PLXNA4: variants seen among roughly 807,000 people sequenced by gnomAD.
PLXNA4 encodes the protein plexin A4, also known as plexin-A4.
Under a neutral mutation model 191.8 loss-of-function variants are expected in PLXNA4, and 44 were observed. The ratio of observed to expected loss-of-function variants is 0.23; its 90% CI spans 0.18 to 0.29. The LOEUF is 0.29. PLXNA4 is among the 10% of genes least tolerant of loss of function. The pLI is 1.00. For synonymous variants in PLXNA4, 1,082 were observed against 1,009.5 expected (o/e 1.07, Z -1.36); for missense variants, 1,800 against 2,488.8 (o/e 0.72, Z 5.89).
intron 20 of PLXNA4, among the ~76,000 whole-genome samples, chr7:132,178,739 T>A (rs1256672273): frequency 3.1e-5 from 2 of 63,646 alleles, no homozygotes; most frequent in African/African-American, 1.0e-4. Context: ...CACTTGTAAA[T>A]GAAACACATA....
intron 9 of PLXNA4, 126 bp from the exon 10 acceptor site, chr7:132,211,269 A>T: frequency 2.0e-6 from 2 of 991,744 alleles, no homozygotes; most frequent in Non-Finnish European, 2.9e-6. Flanking sequence ...GCGACCCCTG[A>T]GGTGCTCGTG....
chr7:132,457,709 A>G (rs1035577644), intron 3 of PLXNA4, among the ~76,000 whole-genome samples: 1 of 152,238 alleles, frequency 6.6e-6, no homozygotes, highest in African/African-American at 2.4e-5. Context: ...ATGCAATTGC[A>G]AGTATTCTTT....
intron 4 of PLXNA4, among the ~76,000 whole-genome samples, chr7:132,243,768 T>C (rs1194411133): frequency 6.6e-6 from 1 of 150,930 alleles, no homozygotes; most frequent in Non-Finnish European, 1.5e-5. Flanking sequence ...GATGGATCGC[T>C]GCTATCCTTT....
chr7:132,220,361 G>T (rs1025995877), intron 9 of PLXNA4, among the ~76,000 whole-genome samples: 1 of 152,196 alleles, frequency 6.6e-6, no homozygotes, highest in Non-Finnish European at 1.5e-5. Flanking sequence ...TGGGTAGAAT[G>T]CAGCCTCCAA....
intron 8 of PLXNA4, among the ~76,000 whole-genome samples, chr7:132,224,091 C>T (rs542719385): frequency 2.6e-5 from 4 of 152,188 alleles, no homozygotes; most frequent in Non-Finnish European, 5.9e-5. Flanking sequence ...TGTCTCACTA[C>T]GATGGCTCCT....
intron 4 of PLXNA4, among the ~76,000 whole-genome samples, chr7:132,258,877 G>A (rs1220767968): frequency 6.6e-6 from 1 of 152,164 alleles, no homozygotes; most frequent in Non-Finnish European, 1.5e-5. Flanking sequence ...TTTATGCTAT[G>A]TGTTTGCCAG....
rs374017007 is a variant in PLXNA4, at chr7:132,421,086, T to A, written c.1371+68206A>T. ...CTAAAACTCTGTCCCTGCTAAACTC[T>A]ATGATCCTATTCCCCTGTCCCCCAG... On this transcript the variant is annotated intron_variant, in intron 3 of 31. Transcript: ENST00000321063. Among the ~76,000 whole-genome samples the A allele has an allele frequency of 1.2e-4, 18 of 152,368 alleles. No homozygotes were observed. The East Asian group carries it at 3.5e-3, about 29-fold the overall frequency.
In PLXNA4 at chr7:132,351,205, G is replaced by T. The variant is rs568553633; in HGVS notation, c.1372-52983C>A. On this transcript the variant is annotated intron_variant, in intron 3 of 31. Coordinates refer to ENST00000321063, the MANE Select transcript of PLXNA4 (RefSeq NM_020911.2). ...GCAGCAATAAGAATGTTCTAAAATT[G>T]ATTGTGGTGATGGTTGTGCAACTCT... Among the ~76,000 whole-genome samples, 21 of 152,296 alleles carry T rather than the reference G, an allele frequency of 1.4e-4. No individual in the cohort carries two copies. The South Asian group carries it at 4.3e-3, about 32-fold the overall frequency.
chr7:132,508,796 C>T lies in PLXNA4; in HGVS notation c.-86-17G>A. ...TCTCCCCTACTGGAGAAAGGGAAGA[C>T]AATGAGCTGGATAACAATGCCAGTG... On this transcript the variant is annotated splice_polypyrimidine_tract_variant and intron_variant, in intron 1 of 31. Coordinates refer to ENST00000321063, the MANE Select transcript of PLXNA4 (RefSeq NM_020911.2). This position sits in a 1 kb window ranked among gnomAD's most constrained non-coding sequence, Gnocchi z 4.4. 7.0e-7 allele frequency: 1 copy of T among 1,435,768 alleles called. No homozygotes were observed. The highest frequency in any genetic ancestry group is 9.1e-7 in the Non-Finnish European group (1 of 1,099,556). 88.9% of individuals were successfully genotyped at this position (1,435,768 alleles called of 1,614,324 possible).
chr7:132,273,594 AG>A (rs1584931667), intron 4 of PLXNA4, among the ~76,000 whole-genome samples: 1 of 152,294 alleles, frequency 6.6e-6, no homozygotes, highest in East Asian at 1.9e-4. Context: ...AGAGGCAAAG[AG>A]GAGAGGGGAG....
chr7:132,245,973 T>G (rs143578637), intron 4 of PLXNA4, among the ~76,000 whole-genome samples: 4 of 152,318 alleles, frequency 2.6e-5, no homozygotes, highest in African/African-American at 9.6e-5. Context: ...GCAAAGACTT[T>G]CTGTTTGAGC....
At chr7:132,176,336 T>A (rs1796455142) in intron 20 of PLXNA4, among the ~76,000 whole-genome samples, 1 of 152,336 alleles carries the variant, frequency 6.6e-6, no homozygotes, top group South Asian at 2.1e-4. Flanking sequence ...TGCATCCAAG[T>A]GGAGCCTGCA....
chr7:132,430,061 G>A (rs1225341497), intron 3 of PLXNA4, among the ~76,000 whole-genome samples: 1 of 152,140 alleles, frequency 6.6e-6, no homozygotes, highest in Non-Finnish European at 1.5e-5. Context: ...TGTGGCATAT[G>A]AGGTAATAAG....
chr7:132,583,297 C>G (rs2116815469), intron 2 of PLXNA4, among the ~76,000 whole-genome samples: 1 of 152,312 alleles, frequency 6.6e-6, no homozygotes, highest in East Asian at 1.9e-4. Flanking sequence ...CTGATCCTAA[C>G]CCGTGCTACA....
intron 4 of PLXNA4, among the ~76,000 whole-genome samples, chr7:132,277,047 G>A (rs1800307813): frequency 6.6e-6 from 1 of 152,174 alleles, no homozygotes; most frequent in African/African-American, 2.4e-5. Context: ...GCAAGATGGT[G>A]GGATTGAGAA....
chr7:132,459,105 G>A (rs749190387), intron 3 of PLXNA4, among the ~76,000 whole-genome samples: 5 of 152,194 alleles, frequency 3.3e-5, no homozygotes, highest in South Asian at 2.1e-4. Context: ...TACAGAGCAC[G>A]ACCGAACCAG....
rs191354201 is a variant in PLXNA4 at position 132,442,324 on chromosome 7, C to T, written c.1371+46968G>A. Among the ~76,000 whole-genome samples the T allele has an allele frequency of 2.2e-3, 339 of 152,192 alleles. 2 individuals carry two copies. The highest frequency in any genetic ancestry group is 3.8e-3 in the Non-Finnish European group (258 of 67,996). On this transcript the variant is annotated intron_variant, in intron 3 of 31. Transcript: ENST00000321063. ...AAGCCTGTGGGTTGCATATAAGTTGCGTATGAAGTTACTGCTTGATGCCAG... is the reference window on the plus strand; with the variant it reads ...AAGCCTGTGGGTTGCATATAAGTTGTGTATGAAGTTACTGCTTGATGCCAG...
At chr7:132,450,679 C>T (rs10230749) in intron 3 of PLXNA4, among the ~76,000 whole-genome samples, 63 of 152,312 alleles carry the variant, frequency 4.1e-4, no homozygotes, top group African/African-American at 1.4e-3. Flanking sequence ...AGCAGAGGAA[C>T]CTGCTCAGCC....
intron 31 of PLXNA4, among the ~76,000 whole-genome samples, chr7:132,132,435 CTGTTCTGTTCTGTTCTGTTCTGT>C: frequency 2.6e-5 from 2 of 76,108 alleles, no homozygotes; most frequent in South Asian, 1.3e-3. Context: ...CTGTTCTGTT[CTGTTCTGTTCTGTTCTGTTCTGT>C]TCTGTTCTGC....
Sources: allele counts gnomAD v4.1 joint callset (sites outside exome capture counted in the v4.1 genomes callset), GRCh38; gene constraint gnomAD v4.1.1; non-coding constraint Gnocchi (gnomAD v3.1); transcripts MANE v1.5; gene names NCBI Gene and HGNC (gene_info 2026-07-23, HGNC 2026-07-21).